HMGCLL1: variants seen among roughly 807,000 people sequenced by gnomAD.
HMGCLL1 encodes 3-hydroxymethyl-3-methylglutaryl-CoA lyase, cytoplasmic.
Under a neutral mutation model 39.1 loss-of-function variants are expected in HMGCLL1, and 36 were observed. The observed-to-expected ratio is 0.92, with a 90% CI of 0.71 to 1.22. The LOEUF (loss-of-function observed/expected upper bound fraction) is 1.22. Ranked by LOEUF, HMGCLL1 falls within the 50% of genes most tolerant of loss-of-function variation. The pLI, the probability that HMGCLL1 is intolerant of heterozygous loss-of-function variation, is 0.00. For synonymous variants in HMGCLL1, 149 were observed against 144.0 expected, an observed-to-expected ratio of 1.03 and a Z score of -0.25; for missense variants, 451 against 416.5, an observed-to-expected ratio of 1.08 and a Z score of -0.72.
chr6:55,531,489 G>A (rs760710984), intron 3 of HMGCLL1, among the ~76,000 whole-genome samples: 3 of 151,978 alleles, frequency 2.0e-5, no homozygotes, highest in Non-Finnish European at 4.4e-5. Flanking sequence ...TGACCAACAC[G>A]GCTTTGAAAG....
the HMGCLL1 span, among the ~76,000 whole-genome samples, chr6:55,592,612 G>C: frequency 6.6e-6 from 1 of 152,026 alleles, no homozygotes; most frequent in Non-Finnish European, 1.5e-5. Context: ...TAGCCTCTGA[G>C]ATGTAACAAG....
At chr6:55,514,741 T>C (rs2127436705) in intron 4 of HMGCLL1, among the ~76,000 whole-genome samples, 1 of 152,316 alleles carries the variant, frequency 6.6e-6, no homozygotes, top group Non-Finnish European at 1.5e-5. Context: ...CGTGTGTACC[T>C]AATGCTTTGA....
At chr6:55,497,007 T>A (rs1034646814) in intron 6 of HMGCLL1, among the ~76,000 whole-genome samples, 1 of 152,088 alleles carries the variant, frequency 6.6e-6, no homozygotes, top group Non-Finnish European at 1.5e-5. Flanking sequence ...AATGGTAGAG[T>A]CATTTAATAT....
chr6:55,578,274 AATTTC>A (rs1014274479), intron 1 of HMGCLL1, among the ~76,000 whole-genome samples: 19 of 152,322 alleles, frequency 1.2e-4, no homozygotes, highest in Non-Finnish European at 2.6e-4. Flanking sequence ...GGAAAAAGTT[AATTTC>A]TTTATACACC....
intron 5 of HMGCLL1, among the ~76,000 whole-genome samples, chr6:55,507,703 A>G (rs963775869): frequency 4.6e-5 from 7 of 151,776 alleles, no homozygotes; most frequent in Admixed American, 4.6e-4. Flanking sequence ...TGATCCACTT[A>G]AATCTCTGAG....
At chr6:55,492,831 G>A (rs1014211598) in intron 7 of HMGCLL1, among the ~76,000 whole-genome samples, 5 of 151,924 alleles carry the variant, frequency 3.3e-5, no homozygotes, top group Non-Finnish European at 4.4e-5. Context: ...CTGCCCCAGA[G>A]TCCCAGGCAC....
intron 7 of HMGCLL1, among the ~76,000 whole-genome samples, chr6:55,464,467 A>G (rs1306034794): frequency 6.6e-6 from 1 of 152,168 alleles, no homozygotes; most frequent in Admixed American, 6.6e-5. Flanking sequence ...TATTTTTAAT[A>G]AATATAACCT....
At chr6:55,437,511 G>A (rs184428591) in intron 8 of HMGCLL1, among the ~76,000 whole-genome samples, 59 of 152,128 alleles carry the variant, frequency 3.9e-4, no homozygotes, top group African/African-American at 1.3e-3. Flanking sequence ...AAAGAGGATG[G>A]AGGATATATG....
intron 6 of HMGCLL1, among the ~76,000 whole-genome samples, chr6:55,496,712 C>A (rs948795419): frequency 6.6e-6 from 1 of 151,154 alleles, no homozygotes; most frequent in African/African-American, 2.5e-5. Context: ...AGAAAAAAGT[C>A]ATGACATGAG....
chr6:55,490,508 T>C lies in HMGCLL1; in HGVS notation c.795+4911A>G, dbSNP rs974903321. ...CTACTACTTGCCCATTTGATCAGCA[T>C]GGATGAAATGCTGTGGGAGTGGCAG... is the stretch of plus-strand genomic sequence containing the variant. On this transcript the variant is annotated intron_variant, in intron 7 of 8. Coordinates refer to ENST00000274901, the MANE Select transcript of HMGCLL1 (RefSeq NM_001042406.2). Among the ~76,000 whole-genome samples, 4 of 152,284 alleles carry C rather than the reference T, an allele frequency of 2.6e-5. No individual in the cohort carries two copies. In the East Asian group the frequency reaches 5.8e-4, roughly 22 times the overall value.
the HMGCLL1 span, among the ~76,000 whole-genome samples, chr6:55,639,612 C>T: frequency 6.6e-6 from 1 of 152,092 alleles, no homozygotes; most frequent in East Asian, 1.9e-4. Context: ...CTGCTCTCCA[C>T]ACATAAGCAC....
intron 7 of HMGCLL1, 47 bp downstream of exon 7, chr6:55,495,372 G>T (rs1026341984): frequency 2.2e-6 from 3 of 1,372,492 alleles, no homozygotes; most frequent in Middle Eastern, 1.8e-4. Context: ...TACAGATAAA[G>T]ATGAACACCC....
intron 7 of HMGCLL1, among the ~76,000 whole-genome samples, chr6:55,451,735 T>C (rs1021096878): frequency 2.0e-5 from 3 of 151,336 alleles, no homozygotes. Flanking sequence ...ACATACCTAA[T>C]GTTGTGAAAA....
intron 7 of HMGCLL1, among the ~76,000 whole-genome samples, chr6:55,467,605 T>C (rs547397068): frequency 9.9e-5 from 15 of 152,064 alleles, no homozygotes; most frequent in Non-Finnish European, 1.9e-4. Flanking sequence ...TTTATATCCC[T>C]AGCTACTATG....
intron 7 of HMGCLL1, among the ~76,000 whole-genome samples, chr6:55,455,619 T>C (rs1309694013): frequency 6.6e-6 from 1 of 152,180 alleles, no homozygotes; most frequent in Non-Finnish European, 1.5e-5. Context: ...TTCAAGATCA[T>C]TATGTGGTCA....
At chr6:55,568,121 A>G (rs1391066484) in intron 1 of HMGCLL1, among the ~76,000 whole-genome samples, 4 of 152,186 alleles carry the variant, frequency 2.6e-5, no homozygotes, top group African/African-American at 9.6e-5. Flanking sequence ...TTTTGGGAAC[A>G]ACATTTACTA....
chr6:55,607,915 CTA>C, the HMGCLL1 span, among the ~76,000 whole-genome samples: 1 of 152,252 alleles, frequency 6.6e-6, no homozygotes, highest in East Asian at 1.9e-4. Flanking sequence ...GATGACACAT[CTA>C]TAAGATGAAA....
chr6:55,618,885 T>G, the HMGCLL1 span, among the ~76,000 whole-genome samples: 1 of 152,206 alleles, frequency 6.6e-6, no homozygotes, highest in Admixed American at 6.6e-5. Context: ...CTAGTGAACT[T>G]AGTTATCAAG....
At chr6:55,552,120 C>T (rs749663721) in intron 1 of HMGCLL1, among the ~76,000 whole-genome samples, 52 of 151,744 alleles carry the variant, frequency 3.4e-4, no homozygotes, top group Non-Finnish European at 5.7e-4. Context: ...TGCAGGGATC[C>T]AAAAACAAAC....
Sources: gnomAD v4.1 joint callset for allele counts (sites outside exome capture counted in the v4.1 genomes callset) on GRCh38, gnomAD v4.1.1 for gene constraint, MANE v1.5 for transcripts, NCBI Gene and HGNC (gene_info 2026-07-23, HGNC 2026-07-21) for gene names.